Variants in SSUH2 observed in about 807,000 individuals in gnomAD.
SSUH2 encodes the protein ssu-2 homolog.
In SSUH2, 47 loss-of-function variants were observed where a neutral mutation model predicts 55.3. The ratio of observed to expected loss-of-function variants is 0.85; its 90% CI spans 0.67 to 1.08. The LOEUF is 1.08. Ranked by LOEUF, SSUH2 falls within the 50% of genes least tolerant of loss-of-function variation. The pLI is 0.00. For synonymous variants in SSUH2, 212 were observed against 191.5 expected, an observed-to-expected ratio of 1.11 and a Z score of -0.89; for missense variants, 535 against 490.7, an observed-to-expected ratio of 1.09 and a Z score of -0.85.
At chr3:8,634,269 G>C (rs894688830) in intron 3 of SSUH2, 1 of 735,496 alleles carries the variant, frequency 1.4e-6, no homozygotes, top group Non-Finnish European at 2.0e-6. Context: ...GCTGATGGCA[G>C]CGCCCATGGA....
At chr3:8,627,459 C>T in intron 8 of SSUH2, 1 of 390,848 alleles carries the variant, frequency 2.6e-6, no homozygotes, top group Non-Finnish European at 4.6e-6. Context: ...TGCAGTGGCT[C>T]TTTCTTCACA....
chr3:8,672,822 G>C (rs1291882784), intron 3 of SSUH2, among the ~76,000 whole-genome samples: 1 of 152,122 alleles, frequency 6.6e-6, no homozygotes, highest in Non-Finnish European at 1.5e-5. Context: ...CCAGGTGGAT[G>C]CACACCCACT....
chr3:8,637,261 T>C (rs1700072881), intron 1 of SSUH2, among the ~76,000 whole-genome samples: 1 of 152,184 alleles, frequency 6.6e-6, no homozygotes, highest in South Asian at 2.1e-4. Context: ...GGTGGAGTAG[T>C]ATCTGTACTT....
In SSUH2 at chr3:8,627,748, T is replaced by C; in HGVS notation, c.624A>G (p.Lys208=). 3 of 1,610,424 alleles carry C rather than the reference T, an allele frequency of 1.9e-6. No homozygotes were observed. Among genetic ancestry groups the C allele is most frequent in the Non-Finnish European group, 1.7e-6 (2 of 1,178,482 alleles). Residue 208 remains lysine (K), a synonymous_variant, in exon 8 of 12, where the codon AAA becomes AAG. Transcript: ENST00000544814. ...RCPSCCGAKR[K]AKQSRRCQLC... ...GCTGACATCTCCGGGACTGCTTGGC[T>C]TTGCGCTTGGCTCCGCAGCAGGATG... is the stretch of plus-strand genomic sequence containing the variant.
intron 1 of SSUH2, among the ~76,000 whole-genome samples, chr3:8,636,459 A>G (rs1699941436): frequency 6.6e-6 from 1 of 152,078 alleles, no homozygotes; most frequent in Non-Finnish European, 1.5e-5. Flanking sequence ...CCTAATCAAC[A>G]CCACGTGGAG....
At chr3:8,648,327 G>T (rs909144808), upstream of SSUH2, among the ~76,000 whole-genome samples, 1 of 152,222 alleles carries the variant, frequency 6.6e-6, no homozygotes, top group African/African-American at 2.4e-5. Context: ...ATGTGTCGTT[G>T]TAAGAAGCTA....
chr3:8,634,709 GA>G, intron 3 of SSUH2: 1 of 596,092 alleles, frequency 1.7e-6, no homozygotes, highest in Non-Finnish European at 2.8e-6. Context: ...AGCAGGGCCA[GA>G]AGCCCCCGGG....
upstream of SSUH2, among the ~76,000 whole-genome samples, chr3:8,645,875 C>T (rs164961): frequency 0.12 from 18,172 of 152,230 alleles, 1,415 homozygotes; most frequent in South Asian, 0.18. Context: ...CTGCCCATCG[C>T]CGACAGCATG....
At chr3:8,667,589 C>T (rs1011427633) in intron 5 of SSUH2, among the ~76,000 whole-genome samples, 3 of 152,210 alleles carry the variant, frequency 2.0e-5, no homozygotes, top group African/African-American at 4.8e-5. Context: ...GGAATCACCA[C>T]GTGTTCAGAG....
intron 7 of SSUH2, among the ~76,000 whole-genome samples, chr3:8,657,507 T>C (rs1703054019): frequency 6.6e-6 from 1 of 152,084 alleles, no homozygotes; most frequent in African/African-American, 2.4e-5. Context: ...TGTTCCATGC[T>C]CATAGACAGT....
chr3:8,671,722 T>G (rs995539380), intron 4 of SSUH2, among the ~76,000 whole-genome samples: 1 of 152,062 alleles, frequency 6.6e-6, no homozygotes, highest in African/African-American at 2.4e-5. Flanking sequence ...TGCTAGAATA[T>G]GGAAAATAAT....
chr3:8,677,786 G>A (rs2124897533), intron 2 of SSUH2, among the ~76,000 whole-genome samples: 1 of 150,510 alleles, frequency 6.6e-6, no homozygotes, highest in South Asian at 2.2e-4. Flanking sequence ...TGAACATAAA[G>A]GCCCCCCATG....
intron 7 of SSUH2, among the ~76,000 whole-genome samples, chr3:8,650,854 G>A (rs1449465130): frequency 6.6e-6 from 1 of 152,188 alleles, no homozygotes; most frequent in Non-Finnish European, 1.5e-5. Flanking sequence ...CCAGCCTGGG[G>A]GCTTCAGATT....
Position 8,632,093 on chromosome 3 carries a change from A to G in SSUH2, c.356T>C (p.Phe119Ser). 8.1e-6 allele frequency: 13 copies of G among 1,614,020 alleles called. No individual in the cohort carries two copies. The highest frequency in any genetic ancestry group is 1.1e-5 in the Non-Finnish European group (13 of 1,179,932). Residue 119 changes from phenylalanine to serine, a missense_variant, in exon 5 of 12, where the codon TTT becomes TCT. Physicochemically the swap from Phe to Ser is radical, Grantham distance 155. Transcript: ENST00000544814. ...QTLCRYRLET[F>S]SESRISEWTF... is the part of the protein sequence containing the mutation. ...CCACTCGCTTATCCTGGATTCACTAAAGGTCTCCAGACGGTACTAAAAGGA... is the reference window on the plus strand; with the variant it reads ...CCACTCGCTTATCCTGGATTCACTAGAGGTCTCCAGACGGTACTAAAAGGA...
At position 8,679,067 on chromosome 3, in the gene SSUH2, C is replaced by T. The variant is rs1249002166; in HGVS notation, c.-901+638G>A. On this transcript the variant is annotated intron_variant, in intron 2 of 18. Coordinates refer to the SSUH2 transcript ENST00000317371. ...CAAACGCAGGGGAGGAAGCACCCCC[C>T]GCGAGGCGGGGACTGAGAGCAAGCA... Among the ~76,000 whole-genome samples the T allele has an allele frequency of 5.5e-5, 6 of 109,632 alleles. 1 individual carries two copies. Among genetic ancestry groups the T allele is most frequent in the Non-Finnish European group, 1.1e-4 (5 of 47,520 alleles). 71.9% of individuals were successfully genotyped at this position (109,632 alleles called of 152,430 possible).
At chr3:8,628,120 G>T (rs1363660334) in intron 7 of SSUH2, among the ~76,000 whole-genome samples, 1 of 152,118 alleles carries the variant, frequency 6.6e-6, no homozygotes, top group South Asian at 2.1e-4. Flanking sequence ...CTGGAGACAG[G>T]GGGCTCCTTT....
Position 8,679,444 on chromosome 3 carries a change from G to T in SSUH2, c.-901+261C>A, listed in dbSNP as rs1266215446. Among the ~76,000 whole-genome samples, 59 of 130,608 alleles carry T rather than the reference G, an allele frequency of 4.5e-4. 1 individual carries two copies. Among genetic ancestry groups the T allele is most frequent in the Non-Finnish European group, 6.7e-4 (39 of 58,352 alleles). The allele number at this position is 130,608 out of a possible 152,430, so 85.7% of individuals were successfully genotyped here. A position where few individuals can be genotyped will look rare whatever the true frequency, so the allele number is the denominator to read the frequency against. ...CCTGGCTCTTAGGACCCCCATCACA[G>T]CGGGGGGAGGCACCCCCCGGGAGGC... On this transcript the variant is annotated intron_variant, in intron 2 of 18. Transcript: ENST00000317371.
At chr3:8,662,002 T>C (rs539974164) in intron 6 of SSUH2, among the ~76,000 whole-genome samples, 39 of 152,338 alleles carry the variant, frequency 2.6e-4, no homozygotes, top group South Asian at 1.9e-3. Context: ...ACGTGCCTTT[T>C]GCCTTCTGCC....
At chr3:8,681,258 G>A (rs1409158526) in intron 1 of SSUH2, among the ~76,000 whole-genome samples, 1 of 118,612 alleles carries the variant, frequency 8.4e-6, no homozygotes, top group Non-Finnish European at 1.8e-5. Flanking sequence ...GAGGAACCCC[G>A]TGAGGCAGGG....
Sources: gnomAD v4.1 joint callset for allele counts (sites outside exome capture counted in the v4.1 genomes callset) on GRCh38, gnomAD v4.1.1 for gene constraint, MANE v1.5 for transcripts, NCBI Gene and HGNC (gene_info 2026-07-23, HGNC 2026-07-21) for gene names.